The following MYH13 variants were observed in gnomAD, a reference collection of about 807,000 sequenced individuals.
The protein encoded by MYH13 is myosin-13.
A neutral mutation model predicts 232.1 loss-of-function variants in MYH13; 177 were observed. The observed-to-expected ratio is 0.76, with a 90% CI of 0.67 to 0.86. MYH13 has a LOEUF of 0.86. Ranked by LOEUF, MYH13 falls within the 40% of genes least tolerant of loss-of-function variation. The pLI, the probability that MYH13 is intolerant of heterozygous loss-of-function variation, is 0.00. For missense variants in MYH13, 2,246 were observed against 2,405.9 expected (o/e 0.93, Z 1.39); for synonymous variants, 884 against 923.5 (o/e 0.96, Z 0.78).
At chr17:10,359,552 T>C (rs1049119579) in intron 7 of MYH13, among the ~76,000 whole-genome samples, 1 of 152,186 alleles carries the variant, frequency 6.6e-6, no homozygotes, top group Non-Finnish European at 1.5e-5. Flanking sequence ...CTCTAGGTAA[T>C]TACCAAACCT....
intron 13 of MYH13, among the ~76,000 whole-genome samples, 171 bp from the exon 14 acceptor site, chr17:10,345,787 G>GTTC (rs1340209407): frequency 1.3e-5 from 2 of 152,110 alleles, no homozygotes; most frequent in Admixed American, 1.3e-4. Context: ...GAGGTCAGGA[G>GTTC]TTCAAGACCA....
At chr17:10,358,034 T>C (rs1338376082) in intron 7 of MYH13, among the ~76,000 whole-genome samples, 2 of 151,988 alleles carry the variant, frequency 1.3e-5, no homozygotes, top group East Asian at 1.9e-4. Context: ...CTTATTAGCA[T>C]AGCATTGAAG....
chr17:10,328,773 G>A (rs982758293), intron 21 of MYH13, among the ~76,000 whole-genome samples: 2 of 151,134 alleles, frequency 1.3e-5, no homozygotes, highest in Admixed American at 6.6e-5. Context: ...CGCCTCCTAG[G>A]TTCAAGCAAT....
chr17:10,363,096 A>T (rs2142275850), intron 3 of MYH13, among the ~76,000 whole-genome samples: 1 of 152,242 alleles, frequency 6.6e-6, no homozygotes, highest in Non-Finnish European at 1.5e-5. Context: ...TATTTTCAGA[A>T]TATTATTTAA....
chr17:10,348,645 T>C (rs145546104), intron 12 of MYH13, among the ~76,000 whole-genome samples: 1 of 152,244 alleles, frequency 6.6e-6, no homozygotes, highest in East Asian at 1.9e-4. Context: ...GGTATATCAA[T>C]ACGTGTATCA....
chr17:10,345,139 C>T (rs1367740145), intron 15 of MYH13, 63 bp downstream of exon 15: 1 of 1,612,878 alleles, frequency 6.2e-7, no homozygotes, highest in African/African-American at 1.3e-5. Flanking sequence ...AGAAAAGAAT[C>T]AGAGCAAGAA....
intron 12 of MYH13, among the ~76,000 whole-genome samples, chr17:10,347,734 T>TTTTTTTTA: frequency 6.7e-6 from 1 of 148,636 alleles, no homozygotes. Flanking sequence ...TTTTTTTTTT[T>TTTTTTTTA]TGGAGACAGA....
rs368439343 is a variant in MYH13, at chr17:10,330,496, G to A, written c.2326C>T (p.Leu776Phe). ...KVFFKAGLLG[L>F]LEEMRDEKLV... Reference sequence around the variant, plus strand: ...TTCTCATCTCTCATCTCCTCCAAAAGTCCCAGGAGCCCAGCTTTGAAAAAC... The same window carrying A: ...TTCTCATCTCTCATCTCCTCCAAAAATCCCAGGAGCCCAGCTTTGAAAAAC... Residue 776 changes from leucine (L) to phenylalanine (F), a missense_variant, in exon 21 of 41, where the codon CTT (leucine) becomes TTT (phenylalanine). Coordinates refer to ENST00000252172, the MANE Select transcript of MYH13 (RefSeq NM_003802.3). 3.3e-5 allele frequency: 53 copies of A among 1,611,350 alleles called. No individual in the cohort carries two copies. In the African/African-American group the frequency reaches 4.7e-4, roughly 14 times the overall value.
Position 10,300,883 on chromosome 17 carries a change from T to G in MYH13, c.*68A>C. Reference sequence around the variant, plus strand: ...CCGGGAATCCGAGTATTTAGGAGAATTTATTTCTCACACATTTTCCCTCCA... The same window carrying G: ...CCGGGAATCCGAGTATTTAGGAGAAGTTATTTCTCACACATTTTCCCTCCA... On this transcript the variant is annotated 3_prime_UTR_variant, in exon 41 of 41. Coordinates refer to ENST00000252172, the MANE Select transcript of MYH13 (RefSeq NM_003802.3). 6.6e-7 allele frequency: 1 copy of G among 1,517,314 alleles called. No individual in the cohort carries two copies. Among genetic ancestry groups the G allele is most frequent in the Non-Finnish European group, 9.1e-7 (1 of 1,099,144 alleles). 94.0% of individuals were successfully genotyped at this position (1,517,314 alleles called of 1,614,324 possible). A position where few individuals can be genotyped will look rare whatever the true frequency, so the allele number is the denominator to read the frequency against.
Position 10,315,805 on chromosome 17 carries a change from A to G in MYH13, c.3872T>C (p.Leu1291Pro). The G allele has an allele frequency of 6.2e-7, 1 of 1,613,842 alleles. No individual in the cohort carries two copies. The highest frequency in any genetic ancestry group is 8.5e-7 in the Non-Finnish European group (1 of 1,179,876). The change falls in exon 29 of 41, where the codon CTG becomes CCG. Residue 1291 changes from leucine (L) to proline (P), a missense_variant. Leu to Pro is a moderately conservative substitution (Grantham distance 98). Coordinates refer to ENST00000252172, the MANE Select transcript of MYH13 (RefSeq NM_003802.3). ...CTCCTTCTCTTCCACTCGGTGGCTC[A>G]GCTCCCCTACCAAACAGATGTGGCC... is the stretch of plus-strand genomic sequence containing the variant. ...KARLQTQNGE[L>P]SHRVEEKESL... is the part of the protein sequence containing the mutation.
In MYH13 at chr17:10,313,175, C is replaced by T. The variant is rs763084289; in HGVS notation, c.4164G>A (p.Glu1388=). The part of the protein sequence containing the change: ...KYETDAIQRT[E]ELEEAKKKLA... ...GCCCCTACTTGGCCTCCTCCAGCTC[C>T]TCTGTGCGCTGAATGGCGTCCGTCT... The change falls in exon 30 of 41, where the codon GAG becomes GAA. Residue 1388 remains glutamate (E), a synonymous_variant. Transcript: ENST00000252172. 13 of 1,614,154 alleles carry T rather than the reference C, an allele frequency of 8.1e-6. No individual in the cohort carries two copies. The highest frequency in any genetic ancestry group is 5.5e-5 in the South Asian group (5 of 91,082).
intron 7 of MYH13, among the ~76,000 whole-genome samples, chr17:10,358,550 C>T (rs891474712): frequency 1.3e-4 from 19 of 151,860 alleles, no homozygotes; most frequent in Non-Finnish European, 2.2e-4. Context: ...TTGAGGCCAA[C>T]GGTCTGATAC....
chr17:10,322,131 G>A (rs944199321), intron 23 of MYH13, among the ~76,000 whole-genome samples: 16 of 152,260 alleles, frequency 1.1e-4, no homozygotes, highest in African/African-American at 3.4e-4. Flanking sequence ...GGTGGCTCAC[G>A]CCTGTAATCC....
At chr17:10,355,850 T>G in intron 8 of MYH13, among the ~76,000 whole-genome samples, 1 of 131,822 alleles carries the variant, frequency 7.6e-6, no homozygotes, top group Admixed American at 7.8e-5. Flanking sequence ...TTTTTTTTTT[T>G]TTTTTTTTTT....
Position 10,319,056 on chromosome 17 carries a change from T to C in MYH13, c.3472A>G (p.Ser1158Gly), listed in dbSNP as rs376155718. The change falls in exon 27 of 41, where the codon AGT (serine) becomes GGT (glycine). Residue 1158 changes from serine to glycine, a missense_variant. Physicochemically the swap from Ser to Gly is moderately conservative, Grantham distance 56 (BLOSUM62 0). Coordinates refer to ENST00000252172, the MANE Select transcript of MYH13 (RefSeq NM_003802.3). ...EEISERLEEA[S>G]GATSAQIEMN... The stretch of plus-strand genomic sequence containing the variant: ...TCAATCTGGGCTGAAGTGGCCCCAC[T>C]GGCTTCTTCCAGCCTCTCGCTGATC... The C allele has an allele frequency of 9.9e-6, 16 of 1,614,180 alleles. No homozygotes were observed. The East Asian group carries it at 2.7e-4, about 27-fold the overall frequency.
At chr17:10,320,634 G>A in intron 24 of MYH13, 138 bp from the exon 25 acceptor site, 1 of 933,320 alleles carries the variant, frequency 1.1e-6, no homozygotes, top group Non-Finnish European at 1.6e-6. Flanking sequence ...GGCCCCAGGA[G>A]GAAGCAAGTC....
At chr17:10,344,328 GGATAA>G (rs2142258865) in intron 15 of MYH13, among the ~76,000 whole-genome samples, 1 of 152,190 alleles carries the variant, frequency 6.6e-6, no homozygotes, top group East Asian at 1.9e-4. Flanking sequence ...AAAGAATATA[GGATAA>G]AATTATGTGT....
Position 10,315,759 on chromosome 17 carries a change from G to T in MYH13, c.3918C>A (p.Thr1306=). The change falls in exon 29 of 41, where the codon ACC becomes ACA. Residue 1306 remains threonine (T), a synonymous_variant. Transcript: ENST00000252172. ...EEKESLISQL[T]KSKQALTQQL... is the part of the protein sequence containing the mutation. ...GCTGGGTGAGGGCCTGCTTGCTTTT[G>T]GTCAGCTGTGAAATCAGAGACTCCT... 2.5e-6 allele frequency: 4 copies of T among 1,613,912 alleles called. No individual in the cohort carries two copies. The highest frequency in any genetic ancestry group is 3.4e-6 in the Non-Finnish European group (4 of 1,179,876).
At position 10,324,273 on chromosome 17, in the gene MYH13, A is replaced by G; in HGVS notation, c.2692-9T>C. ...ATCAGATTTTCTGTTTCCTGAAAGA[A>G]CCAGGTCATTTTATGTTTTGATTGG... On this transcript the variant is annotated splice_polypyrimidine_tract_variant and intron_variant, in intron 22 of 40. Transcript: ENST00000252172. 6.2e-7 allele frequency: 1 copy of G among 1,612,772 alleles called. No individual in the cohort carries two copies. The highest frequency in any genetic ancestry group is 8.5e-7 in the Non-Finnish European group (1 of 1,179,536).
Sources: gnomAD v4.1 joint callset for allele counts (sites outside exome capture counted in the v4.1 genomes callset) on GRCh38, gnomAD v4.1.1 for gene constraint, MANE v1.5 for transcripts, NCBI Gene and HGNC (gene_info 2026-07-23, HGNC 2026-07-21) for gene names.